Variants in PAPPA observed in about 807,000 individuals in gnomAD.
PAPPA encodes the protein pappalysin 1.
PAPPA carries 60 observed loss-of-function variants against 164.0 expected under a neutral mutation model. That is an observed-to-expected ratio of 0.37 (90% confidence interval 0.30 to 0.45). PAPPA has a LOEUF of 0.45. Among genes scored for constraint, PAPPA ranks in the 20% least tolerant of loss-of-function variants. The pLI is 1.00. For missense variants in PAPPA, 1,782 were observed against 2,087.3 expected (o/e 0.85, Z 2.85); for synonymous variants, 875 against 814.1 (o/e 1.07, Z -1.27).
chr9:116,169,139 G>A (rs1843746574), intron 1 of PAPPA, among the ~76,000 whole-genome samples: 1 of 151,988 alleles, frequency 6.6e-6, no homozygotes, highest in Non-Finnish European at 1.5e-5. Flanking sequence ...GGCATTGACT[G>A]TGAGATATGG....
At chr9:116,157,744 C>T (rs1843620686) in intron 1 of PAPPA, among the ~76,000 whole-genome samples, 1 of 152,066 alleles carries the variant, frequency 6.6e-6, no homozygotes, top group African/African-American at 2.4e-5. Context: ...CCACACGGAC[C>T]CACCACCCAC....
chr9:116,277,256 A>G (rs1845210570), intron 9 of PAPPA, among the ~76,000 whole-genome samples: 1 of 152,228 alleles, frequency 6.6e-6, no homozygotes, highest in African/African-American at 2.4e-5. Flanking sequence ...TGGAAAAAGT[A>G]GTAACTTTCC....
chr9:116,374,176 ATGATGATGGTGG>A (rs1564246734), intron 19 of PAPPA, among the ~76,000 whole-genome samples: 5 of 117,656 alleles, frequency 4.2e-5, no homozygotes, highest in South Asian at 3.3e-4. Context: ...GGTGTTGATG[ATGATGATGGTGG>A]TGATGATGAT....
intron 7 of PAPPA, among the ~76,000 whole-genome samples, chr9:116,242,050 A>G (rs1439229011): frequency 6.6e-6 from 1 of 152,182 alleles, no homozygotes; most frequent in Non-Finnish European, 1.5e-5. Context: ...TTAAATATCT[A>G]TTCTGTGCTA....
chr9:116,350,570 C>T lies in PAPPA; in HGVS notation c.3965-2136C>T, dbSNP rs572328139. Among the ~76,000 whole-genome samples the T allele has an allele frequency of 2.0e-5, 3 of 152,318 alleles. No homozygotes were observed. In the South Asian group the frequency reaches 6.2e-4, roughly 32 times the overall value. On this transcript the variant is annotated intron_variant, in intron 15 of 21. Coordinates refer to ENST00000328252, the MANE Select transcript of PAPPA (RefSeq NM_002581.5). ...TCTTGTCACAGAAAACCACGACTTT[C>T]ACTTCATAATTTACCATATACATAG... is the stretch of plus-strand genomic sequence containing the variant.
chr9:116,338,835 C>T (rs1846097369), intron 13 of PAPPA, among the ~76,000 whole-genome samples: 1 of 152,208 alleles, frequency 6.6e-6, no homozygotes, highest in South Asian at 2.1e-4. Flanking sequence ...CTTGGCAGTG[C>T]TTGAGATTAC....
intron 7 of PAPPA, among the ~76,000 whole-genome samples, chr9:116,247,816 G>A (rs552637946): frequency 2.0e-5 from 3 of 152,234 alleles, no homozygotes; most frequent in Non-Finnish European, 4.4e-5. Flanking sequence ...CTTTAGAGAT[G>A]CTGAATTTGG....
At chr9:116,259,715 A>T (rs910522359) in intron 7 of PAPPA, among the ~76,000 whole-genome samples, 1 of 152,240 alleles carries the variant, frequency 6.6e-6, no homozygotes. Flanking sequence ...AATTGATACA[A>T]TCATTTTGGT....
chr9:116,252,356 C>T (rs1034517098), intron 7 of PAPPA, among the ~76,000 whole-genome samples: 4 of 152,186 alleles, frequency 2.6e-5, no homozygotes, highest in African/African-American at 7.2e-5. Flanking sequence ...TTAATCCAGA[C>T]AATGGGTTGG....
chr9:116,272,152 A>G (rs1381446072), intron 9 of PAPPA, among the ~76,000 whole-genome samples: 6 of 152,162 alleles, frequency 3.9e-5, no homozygotes, highest in Non-Finnish European at 8.8e-5. Context: ...CGGGCTGGTA[A>G]ACAGACAGGG....
intron 5 of PAPPA, among the ~76,000 whole-genome samples, chr9:116,227,122 T>A (rs922702863): frequency 7.2e-5 from 11 of 152,216 alleles, no homozygotes; most frequent in Non-Finnish European, 2.9e-5. Flanking sequence ...TGGAGCTTTA[T>A]ATGCCTGATA....
At chr9:116,300,348 A>G (rs1203026474) in intron 9 of PAPPA, among the ~76,000 whole-genome samples, 1 of 151,236 alleles carries the variant, frequency 6.6e-6, no homozygotes, top group Non-Finnish European at 1.5e-5. Context: ...TGTGATCACT[A>G]CTCACTGCAG....
intron 19 of PAPPA, among the ~76,000 whole-genome samples, chr9:116,372,602 T>G (rs1185466875): frequency 3.3e-5 from 5 of 152,130 alleles, no homozygotes; most frequent in African/African-American, 1.2e-4. Flanking sequence ...ACATTGTCCC[T>G]TGCCCAGGGA....
intron 1 of PAPPA, among the ~76,000 whole-genome samples, chr9:116,167,505 A>C (rs182631052): frequency 2.8e-4 from 43 of 152,268 alleles, no homozygotes; most frequent in Non-Finnish European, 5.7e-4. Context: ...GTTTGCCAAA[A>C]ATGTTTTTGG....
At chr9:116,283,996 C>G (rs1282747061) in intron 9 of PAPPA, among the ~76,000 whole-genome samples, 3 of 152,186 alleles carry the variant, frequency 2.0e-5, no homozygotes, top group Non-Finnish European at 4.4e-5. Context: ...TTCCTGACTT[C>G]ATATGATTGT....
chr9:116,393,360 G>T (rs1323798405), intron 21 of PAPPA, among the ~76,000 whole-genome samples: 1 of 152,182 alleles, frequency 6.6e-6, no homozygotes, highest in Non-Finnish European at 1.5e-5. Flanking sequence ...CTTGTCCAAA[G>T]TCACCCAGCA....
intron 10 of PAPPA, among the ~76,000 whole-genome samples, chr9:116,322,136 G>C (rs1177655694): frequency 6.6e-6 from 1 of 152,140 alleles, no homozygotes; most frequent in Non-Finnish European, 1.5e-5. Flanking sequence ...ATCTTTAAGA[G>C]TTGGTGCTGG....
intron 10 of PAPPA, among the ~76,000 whole-genome samples, chr9:116,309,983 T>C (rs191548016): frequency 9.6e-4 from 146 of 152,324 alleles, no homozygotes; most frequent in African/African-American, 3.4e-3. Context: ...CTCAGGGAGA[T>C]GAATCACCCC....
intron 9 of PAPPA, among the ~76,000 whole-genome samples, chr9:116,277,863 T>C (rs1845220242): frequency 6.6e-6 from 1 of 152,110 alleles, no homozygotes; most frequent in Non-Finnish European, 1.5e-5. Flanking sequence ...AGACAGAGTT[T>C]CACCATGTCG....
Sources: gnomAD v4.1 joint callset for allele counts (sites outside exome capture counted in the v4.1 genomes callset) on GRCh38, gnomAD v4.1.1 for gene constraint, MANE v1.5 for transcripts, NCBI Gene and HGNC (gene_info 2026-07-23, HGNC 2026-07-21) for gene names.